Variants in EPHB1 observed in about 807,000 individuals in gnomAD.
The protein encoded by EPHB1 is ephrin type-B receptor 1.
In EPHB1, 30 loss-of-function variants were observed where a neutral mutation model predicts 94.4. The observed-to-expected ratio is 0.32, with a 90% CI of 0.24 to 0.43. EPHB1 has a LOEUF of 0.43. Ranked by LOEUF, EPHB1 falls within the 20% of genes least tolerant of loss-of-function variation. EPHB1 has a pLI of 1.00. For synonymous variants in EPHB1, 522 were observed against 489.1 expected (o/e 1.07, Z -0.89); for missense variants, 1,055 against 1,308.3 (o/e 0.81, Z 2.99).
chr3:134,990,440 T>C (rs1364903803), intron 3 of EPHB1, among the ~76,000 whole-genome samples: 1 of 152,230 alleles, frequency 6.6e-6, no homozygotes, highest in African/African-American at 2.4e-5. Flanking sequence ...AACTTAGGGA[T>C]GCTAGTAATC....
At position 135,258,998 on chromosome 3, in the gene EPHB1, C is replaced by G. The variant is rs1164815102; in HGVS notation, c.2847-14C>G. On this transcript the variant is annotated splice_polypyrimidine_tract_variant and intron_variant, in intron 15 of 15. Coordinates refer to ENST00000398015, the MANE Select transcript of EPHB1 (RefSeq NM_004441.5). ...AACACTAAAGTGACTTCTTTTCTGG[C>G]TCTTTCCTCCTAGAGACCTCCTGAG... 2 of 1,587,106 alleles carry G rather than the reference C, an allele frequency of 1.3e-6. No homozygotes were observed. Among genetic ancestry groups the G allele is most frequent in the Admixed American group, 3.5e-5 (2 of 56,776 alleles).
chr3:135,009,203 G>C (rs564941673), intron 3 of EPHB1, among the ~76,000 whole-genome samples: 55 of 152,308 alleles, frequency 3.6e-4, no homozygotes, highest in African/African-American at 1.3e-3. Flanking sequence ...CCCATCTCCA[G>C]AGTTGGATTC....
intron 3 of EPHB1, among the ~76,000 whole-genome samples, chr3:134,968,656 A>C (rs1933854028): frequency 6.6e-6 from 1 of 152,224 alleles, no homozygotes; most frequent in South Asian, 2.1e-4. Context: ...ATACATGCAT[A>C]GATTTGTGTA....
chr3:135,171,113 T>C (rs958823793), intron 9 of EPHB1, among the ~76,000 whole-genome samples: 11 of 152,094 alleles, frequency 7.2e-5, no homozygotes, highest in African/African-American at 2.7e-4. Context: ...AGCAGATGAG[T>C]TCTGGGCATT....
intron 3 of EPHB1, among the ~76,000 whole-genome samples, chr3:134,962,312 A>C (rs1040306627): frequency 2.0e-5 from 3 of 152,150 alleles, no homozygotes; most frequent in East Asian, 3.9e-4. Context: ...TGTGTGCTGC[A>C]GGTGGTTCGG....
chr3:135,210,093 G>C (rs1942998562), intron 12 of EPHB1, among the ~76,000 whole-genome samples: 1 of 152,202 alleles, frequency 6.6e-6, no homozygotes, highest in Admixed American at 6.5e-5. Context: ...GTTGGGAATA[G>C]ATTGTGGGTT....
chr3:135,047,021 T>C (rs1033654331), intron 3 of EPHB1, among the ~76,000 whole-genome samples: 3 of 151,648 alleles, frequency 2.0e-5, no homozygotes, highest in African/African-American at 7.3e-5. Flanking sequence ...TTGGAGAGAG[T>C]AGAGGGACCC....
At chr3:134,873,335 GA>G (rs1337142450) in intron 1 of EPHB1, among the ~76,000 whole-genome samples, 2 of 152,142 alleles carry the variant, frequency 1.3e-5, no homozygotes, top group Non-Finnish European at 2.9e-5. Flanking sequence ...ACTGGGCTTA[GA>G]ACTGAATTCA....
intron 3 of EPHB1, among the ~76,000 whole-genome samples, chr3:135,034,978 AG>A (rs1229280946): frequency 6.6e-6 from 1 of 152,236 alleles, no homozygotes; most frequent in African/African-American, 2.4e-5. Context: ...TGAGTATGAA[AG>A]GCGGAGAAGA....
At chr3:135,093,721 C>CAAAAAA (rs11297040) in intron 3 of EPHB1, among the ~76,000 whole-genome samples, 1 of 140,500 alleles carries the variant, frequency 7.1e-6, no homozygotes. Context: ...GACCCTGACT[C>CAAAAAA]AAAAAAAAAA....
chr3:134,805,936 A>C (rs1044946963), intron 1 of EPHB1, among the ~76,000 whole-genome samples: 1 of 152,090 alleles, frequency 6.6e-6, no homozygotes, highest in Non-Finnish European at 1.5e-5. Context: ...TGGGTACCCC[A>C]CAGCTCCGTG....
At chr3:134,939,236 C>T (rs933065205) in intron 2 of EPHB1, among the ~76,000 whole-genome samples, 3 of 152,142 alleles carry the variant, frequency 2.0e-5, no homozygotes, top group African/African-American at 7.2e-5. Context: ...GCTGTGAGTT[C>T]ACAGTTTAGG....
At chr3:135,197,642 C>G (rs1350701927) in intron 11 of EPHB1, among the ~76,000 whole-genome samples, 1 of 152,168 alleles carries the variant, frequency 6.6e-6, no homozygotes, top group Non-Finnish European at 1.5e-5. Flanking sequence ...AATATAAGGG[C>G]CAGCAAGTGG....
At chr3:135,111,511 G>C (rs188324829) in intron 4 of EPHB1, among the ~76,000 whole-genome samples, 215 of 152,240 alleles carry the variant, frequency 1.4e-3, no homozygotes, top group Middle Eastern at 3.4e-3. Flanking sequence ...TGCCAGGCTA[G>C]AAAGCTGCAG....
chr3:135,150,347 C>G (rs1034136313), intron 5 of EPHB1, among the ~76,000 whole-genome samples: 1 of 152,192 alleles, frequency 6.6e-6, no homozygotes, highest in African/African-American at 2.4e-5. Flanking sequence ...TTTGTTCACC[C>G]TGTCTTTGTG....
intron 3 of EPHB1, among the ~76,000 whole-genome samples, chr3:135,004,924 G>A (rs1224923252): frequency 3.3e-5 from 5 of 152,154 alleles, no homozygotes; most frequent in Non-Finnish European, 1.5e-5. Flanking sequence ...ATAGCTCAGA[G>A]TAATTTGATC....
At chr3:134,820,271 A>G (rs957676398) in intron 1 of EPHB1, among the ~76,000 whole-genome samples, 2 of 152,202 alleles carry the variant, frequency 1.3e-5, no homozygotes, top group Non-Finnish European at 2.9e-5. Flanking sequence ...ATGTCTGGGA[A>G]AAGCAGGTTT....
rs1175793519 is a variant in EPHB1 at position 134,939,650 on chromosome 3, TG to T, written c.124-11717del. Among the ~76,000 whole-genome samples, 3 of 152,280 alleles carry T rather than the reference TG, an allele frequency of 2.0e-5. No individual in the cohort carries two copies. The East Asian group carries it at 5.8e-4, about 29-fold the overall frequency. ...ACTGTCTACACGGGAGCTTTGTCCT[TG>T]GGGTCCAGGCTGATTGGTGGGGAAG... On this transcript the variant is annotated intron_variant, in intron 2 of 15. Coordinates refer to ENST00000398015, the MANE Select transcript of EPHB1 (RefSeq NM_004441.5).
intron 1 of EPHB1, among the ~76,000 whole-genome samples, chr3:134,830,436 A>T (rs1419448075): frequency 2.0e-5 from 3 of 152,142 alleles, no homozygotes; most frequent in African/African-American, 7.2e-5. Context: ...AAATATTTTC[A>T]ATTAAAATTT....
Sources: allele counts gnomAD v4.1 joint callset (sites outside exome capture counted in the v4.1 genomes callset), GRCh38; gene constraint gnomAD v4.1.1; transcripts MANE v1.5; gene names NCBI Gene and HGNC (gene_info 2026-07-23, HGNC 2026-07-21).